Variants in SGCD observed in about 807,000 individuals in gnomAD.
SGCD encodes delta-sarcoglycan.
A neutral mutation model predicts 36.6 loss-of-function variants in SGCD; 18 were observed. That is an observed-to-expected ratio of 0.49 (90% CI 0.34 to 0.73). The LOEUF is 0.73. Among genes scored for constraint, SGCD ranks in the 30% least tolerant of loss-of-function variants. The pLI is 0.01. For missense variants in SGCD, 387 were observed against 346.7 expected (o/e 1.12, Z -0.92); for synonymous variants, 133 against 130.6 (o/e 1.02, Z -0.12).
At chr5:155,992,564 C>A (rs148566042) in intron 1 of SGCD, among the ~76,000 whole-genome samples, 18 of 152,196 alleles carry the variant, frequency 1.2e-4, no homozygotes, top group African/African-American at 4.3e-4. Context: ...ATCAGGAATT[C>A]CCCCTACCAT....
At chr5:156,622,703 G>A (rs540047560) in intron 6 of SGCD, among the ~76,000 whole-genome samples, 5 of 152,090 alleles carry the variant, frequency 3.3e-5, no homozygotes, top group Admixed American at 1.3e-4. Flanking sequence ...CTGGACAAAG[G>A]GGGGTGTGAG....
chr5:155,782,016 T>G, the SGCD span, among the ~76,000 whole-genome samples: 1 of 134,844 alleles, frequency 7.4e-6, no homozygotes, highest in Non-Finnish European at 1.5e-5. Flanking sequence ...TACTTTTTCA[T>G]TTTTCTTTTC....
chr5:155,923,893 C>G (rs1756940004), intron 1 of SGCD, among the ~76,000 whole-genome samples: 1 of 152,004 alleles, frequency 6.6e-6, no homozygotes, highest in South Asian at 2.1e-4. Context: ...TCATAAACAC[C>G]CTGTTAGGTA....
intron 3 of SGCD, among the ~76,000 whole-genome samples, chr5:156,352,996 G>A (rs542373401): frequency 6.6e-6 from 1 of 152,320 alleles, no homozygotes; most frequent in African/African-American, 2.4e-5. Context: ...CCTGAAGTAA[G>A]ATAAAGATCC....
At chr5:156,031,149 A>T (rs930720287) in intron 1 of SGCD, among the ~76,000 whole-genome samples, 4 of 152,170 alleles carry the variant, frequency 2.6e-5, no homozygotes, top group Admixed American at 1.3e-4. Context: ...GCACATCAGG[A>T]TCCCCTAGAA....
At chr5:156,101,127 C>A (rs1385648193) in intron 1 of SGCD, among the ~76,000 whole-genome samples, 1 of 152,174 alleles carries the variant, frequency 6.6e-6, no homozygotes, top group African/African-American at 2.4e-5. Flanking sequence ...TATACTAGCA[C>A]CCTGATCTTG....
chr5:156,413,153 C>T (rs2127771108), intron 3 of SGCD, among the ~76,000 whole-genome samples: 1 of 152,162 alleles, frequency 6.6e-6, no homozygotes, highest in Middle Eastern at 3.4e-3. Flanking sequence ...AAATAATAAA[C>T]AGGAATGATG....
At chr5:156,607,285 C>A (rs1473493738) in intron 6 of SGCD, among the ~76,000 whole-genome samples, 3 of 152,126 alleles carry the variant, frequency 2.0e-5, no homozygotes, top group African/African-American at 7.2e-5. Flanking sequence ...AAGGCTTTTT[C>A]TGCATCTATT....
rs141453122 is a variant in SGCD at position 156,672,540 on chromosome 5, C to G, written c.575+25004C>G. Reference sequence around the variant, plus strand: ...AATCAACCCACAGCTCTGTCTTCACCAAACCCACAGGCTCTTAGCTTTTAG... The same window carrying G: ...AATCAACCCACAGCTCTGTCTTCACGAAACCCACAGGCTCTTAGCTTTTAG... On this transcript the variant is annotated intron_variant, in intron 7 of 8. Transcript: ENST00000337851. Among the ~76,000 whole-genome samples the G allele has an allele frequency of 2.6e-5, 4 of 152,300 alleles. No individual in the cohort carries two copies. In the East Asian group the frequency reaches 7.7e-4, roughly 29 times the overall value.
intron 1 of SGCD, among the ~76,000 whole-genome samples, chr5:156,033,009 C>G (rs1349748853): frequency 6.6e-6 from 1 of 151,468 alleles, no homozygotes; most frequent in Non-Finnish European, 1.5e-5. Context: ...CCTTGGAGGT[C>G]AAAGCTGCAG....
the SGCD span, among the ~76,000 whole-genome samples, chr5:155,757,656 C>T: frequency 5.3e-5 from 8 of 152,236 alleles, no homozygotes; most frequent in South Asian, 4.2e-4. Context: ...GGACATGCCC[C>T]GGGTTGTACA....
chr5:156,675,371 C>T (rs536159123), intron 7 of SGCD, among the ~76,000 whole-genome samples: 16 of 152,170 alleles, frequency 1.1e-4, no homozygotes, highest in African/African-American at 3.6e-4. Flanking sequence ...GGAACTGGTC[C>T]CAGTGACCAA....
At chr5:156,135,636 T>C (rs1762438128) in intron 3 of SGCD, among the ~76,000 whole-genome samples, 2 of 152,218 alleles carry the variant, frequency 1.3e-5, no homozygotes, top group Admixed American at 1.3e-4. Context: ...GTGGGTCTTA[T>C]ATTAGAATTT....
chr5:156,296,515 T>C (rs1766897370), intron 3 of SGCD, among the ~76,000 whole-genome samples: 1 of 152,180 alleles, frequency 6.6e-6, no homozygotes, highest in Non-Finnish European at 1.5e-5. Flanking sequence ...TCTAAGTGTT[T>C]TCTAATGCCT....
intron 3 of SGCD, among the ~76,000 whole-genome samples, chr5:156,135,291 A>T (rs947424068): frequency 2.0e-5 from 3 of 152,090 alleles, no homozygotes; most frequent in Non-Finnish European, 4.4e-5. Context: ...TCTTGTATTC[A>T]TATTTTCCTC....
intron 1 of SGCD, among the ~76,000 whole-genome samples, chr5:155,929,724 A>G (rs1464425877): frequency 6.6e-6 from 1 of 152,134 alleles, no homozygotes; most frequent in Non-Finnish European, 1.5e-5. Context: ...TTAAAAAGTT[A>G]ATCTCAACCT....
chr5:156,667,246 C>G (rs1417337622), intron 7 of SGCD, among the ~76,000 whole-genome samples: 1 of 152,126 alleles, frequency 6.6e-6, no homozygotes, highest in Non-Finnish European at 1.5e-5. Context: ...GAGAAAGACA[C>G]ATACAAAGAG....
chr5:155,808,066 A>C, the SGCD span, among the ~76,000 whole-genome samples: 1 of 152,200 alleles, frequency 6.6e-6, no homozygotes, highest in Non-Finnish European at 1.5e-5. Flanking sequence ...TGCCTTTGGC[A>C]CTGAAGTCCC....
chr5:156,140,222 A>G (rs1461206803), intron 3 of SGCD, among the ~76,000 whole-genome samples: 1 of 152,226 alleles, frequency 6.6e-6, no homozygotes, highest in Non-Finnish European at 1.5e-5. Context: ...GAAAATGTGG[A>G]AGTGGATTAG....
Sources: allele counts gnomAD v4.1 joint callset (sites outside exome capture counted in the v4.1 genomes callset), GRCh38; gene constraint gnomAD v4.1.1; transcripts MANE v1.5; gene names NCBI Gene and HGNC (gene_info 2026-07-23, HGNC 2026-07-21).